VTCN1: variants seen among roughly 807,000 people sequenced by gnomAD.
VTCN1 encodes the protein V-set domain-containing T-cell activation inhibitor 1.
VTCN1 carries 26 observed loss-of-function variants against 26.5 expected under a neutral mutation model. The ratio of observed to expected loss-of-function variants is 0.98; its 90% CI spans 0.72 to 1.36. The LOEUF is 1.36. VTCN1 is among the 40% of genes most tolerant of loss of function. VTCN1 has a pLI of 0.00. For missense variants in VTCN1, 298 were observed against 337.7 expected (o/e 0.88, Z 0.92); for synonymous variants, 116 against 130.7 (o/e 0.89, Z 0.77).
At chr1:117,196,599 T>C (rs1360313030) in intron 1 of VTCN1, among the ~76,000 whole-genome samples, 3 of 152,042 alleles carry the variant, frequency 2.0e-5, no homozygotes, top group East Asian at 3.8e-4. Context: ...TCTGCCTTTT[T>C]TTTTTTAAGA....
intron 4 of VTCN1, among the ~76,000 whole-genome samples, chr1:117,152,220 G>A (rs921210991): frequency 2.0e-5 from 3 of 151,972 alleles, no homozygotes; most frequent in Non-Finnish European, 2.9e-5. Context: ...ATAATTTTGG[G>A]TTCATATGTA....
At position 117,145,487 on chromosome 1, in the gene VTCN1, A is replaced by T. The variant is rs1348956871; in HGVS notation, c.*46-262T>A. Among the ~76,000 whole-genome samples, 4 of 152,166 alleles carry T rather than the reference A, an allele frequency of 2.6e-5. No homozygotes were observed. The highest frequency in any genetic ancestry group is 5.9e-5 in the Non-Finnish European group (4 of 68,026). ...AGAGAAGAGATGGGTCCTTATAGTA[A>T]ATGAGAACTGAGAGGAGTCTGGGCA... On this transcript the variant is annotated intron_variant, in intron 5 of 5. Transcript: ENST00000369458. The surrounding 1 kb of genome is among the most constrained non-coding windows in gnomAD (Gnocchi z 4.6).
Position 117,143,818 on chromosome 1 carries a change from T to C in VTCN1, c.*1453A>G, listed in dbSNP as rs772304160. On this transcript the variant is annotated 3_prime_UTR_variant, in exon 6 of 6. Transcript: ENST00000369458. ...TTGTCCTTGCTTTCAAAAGTCTGTGTGTGCTTCATGGAAGGTATATGTTTG... is the reference window on the plus strand; with the variant it reads ...TTGTCCTTGCTTTCAAAAGTCTGTGCGTGCTTCATGGAAGGTATATGTTTG... 6 of 152,198 alleles carry C rather than the reference T, an allele frequency of 3.9e-5. No individual in the cohort carries two copies. The highest frequency in any genetic ancestry group is 8.8e-5 in the Non-Finnish European group (6 of 68,038). 9.4% of individuals were successfully genotyped at this position (152,198 alleles called of 1,614,324 possible).
intron 2 of VTCN1, among the ~76,000 whole-genome samples, chr1:117,162,788 T>C (rs1383251826): frequency 2.6e-5 from 4 of 152,172 alleles, no homozygotes; most frequent in Admixed American, 2.0e-4. Flanking sequence ...GGGAGTACTA[T>C]TCAATCAGCG....
At chr1:117,158,883 C>A (rs186597814) in intron 2 of VTCN1, among the ~76,000 whole-genome samples, 1 of 152,238 alleles carries the variant, frequency 6.6e-6, no homozygotes, top group East Asian at 1.9e-4. Context: ...CAAAGTTCCA[C>A]AAATCTCGAG....
chr1:117,181,224 C>G (rs1454972755), intron 1 of VTCN1, among the ~76,000 whole-genome samples: 1 of 148,110 alleles, frequency 6.8e-6, no homozygotes, highest in East Asian at 2.0e-4. Context: ...GGAAACTAGC[C>G]TGGGCAACAT....
At chr1:117,149,234 C>T (rs1366149165) in intron 4 of VTCN1, among the ~76,000 whole-genome samples, 6 of 151,776 alleles carry the variant, frequency 4.0e-5, no homozygotes, top group South Asian at 2.1e-4. Flanking sequence ...ATTTCAAACT[C>T]GACATCTCTA....
At position 117,146,869 on chromosome 1, in the gene VTCN1, A is replaced by G. The variant is rs74111977; in HGVS notation, c.*45+744T>C. 0.055 allele frequency among the ~76,000 whole-genome samples: 8,412 copies of G among 152,236 alleles called. 781 individuals are homozygous for G. The highest frequency in any genetic ancestry group is 0.19 in the African/African-American group (7,779 of 41,492). On this transcript the variant is annotated intron_variant, in intron 5 of 5. Transcript: ENST00000369458. This position sits in a 1 kb window ranked among gnomAD's most constrained non-coding sequence, Gnocchi z 4.2. ...AACAGGGAAAGGAAGGAGCAGGTAC[A>G]GTGTTTCAAAACCAGTCGGGGTGTG... is the stretch of plus-strand genomic sequence containing the variant.
chr1:117,187,301 C>T (rs6691150), intron 1 of VTCN1, among the ~76,000 whole-genome samples: 66,072 of 130,598 alleles, frequency 0.51, 17,031 homozygotes, highest in East Asian at 0.83. Context: ...CAGAGCAAGA[C>T]CTTGTCTCAA....
intron 1 of VTCN1, among the ~76,000 whole-genome samples, chr1:117,198,332 T>C (rs750194606): frequency 7.2e-5 from 11 of 152,168 alleles, no homozygotes; most frequent in Non-Finnish European, 1.5e-4. Flanking sequence ...GTGTGTTATA[T>C]GTGAATGACA....
chr1:117,194,151 G>A (rs1000320220), intron 1 of VTCN1, among the ~76,000 whole-genome samples: 1 of 152,012 alleles, frequency 6.6e-6, no homozygotes, highest in African/African-American at 2.4e-5. Context: ...AATATATAAG[G>A]AACTCATATA....
chr1:117,156,747 G>T lies in VTCN1; in HGVS notation c.272C>A (p.Ser91Ter). The change falls in exon 3 of 6, where the codon TCG becomes TAG. Residue 91 changes from serine (S) to a stop codon, truncating the protein, a stop_gained. Coordinates refer to ENST00000369458, the MANE Select transcript of VTCN1 (RefSeq NM_024626.4). LOFTEE classifies it high-confidence loss of function. ...GCCTCTGAACATTTCATCCTGCTCC[G>T]ACAGCTCATCTTTGCCTTCTTTGAA... ...HEFKEGKDEL[S>*]EQDEMFRGRT... 1 of 1,614,112 alleles carries T rather than the reference G, an allele frequency of 6.2e-7. No individual in the cohort carries two copies. Among genetic ancestry groups the T allele is most frequent in the Non-Finnish European group, 8.5e-7 (1 of 1,180,022 alleles).
chr1:117,200,137 T>C (rs1451223979), intron 1 of VTCN1, among the ~76,000 whole-genome samples: 1 of 152,192 alleles, frequency 6.6e-6, no homozygotes, highest in Non-Finnish European at 1.5e-5. Flanking sequence ...CACAGTGGCT[T>C]ATGCCTGTAA....
At chr1:117,200,313 T>C (rs2101599291) in intron 1 of VTCN1, among the ~76,000 whole-genome samples, 1 of 152,266 alleles carries the variant, frequency 6.6e-6, no homozygotes, top group East Asian at 1.9e-4. Context: ...GTTGGGAGGT[T>C]ACTGGAGCCT....
chr1:117,194,529 A>G (rs1376710213), intron 1 of VTCN1, among the ~76,000 whole-genome samples: 2 of 152,226 alleles, frequency 1.3e-5, no homozygotes, highest in Non-Finnish European at 2.9e-5. Flanking sequence ...GTATATATCC[A>G]AAGGAAATGT....
intron 1 of VTCN1, among the ~76,000 whole-genome samples, chr1:117,172,756 G>A (rs558036792): frequency 6.6e-6 from 1 of 151,680 alleles, no homozygotes; most frequent in South Asian, 2.1e-4. Flanking sequence ...GGTCGAGTGG[G>A]GGACTTGGAA....
chr1:117,169,985 A>T lies in VTCN1; in HGVS notation c.97+122T>A. On this transcript the variant is annotated intron_variant, in intron 2 of 5. Coordinates refer to ENST00000369458, the MANE Select transcript of VTCN1 (RefSeq NM_024626.4). The surrounding 1 kb of genome is among the most constrained non-coding windows in gnomAD (Gnocchi z 4.0). ...AGAAAGCACAAGAAGTAGAAGAATGAATGCTATACTCTGAGGTTTTCTGGG... is the reference window on the plus strand; with the variant it reads ...AGAAAGCACAAGAAGTAGAAGAATGTATGCTATACTCTGAGGTTTTCTGGG... 1.2e-6 allele frequency: 1 copy of T among 831,558 alleles called. No individual in the cohort carries two copies. The highest frequency in any genetic ancestry group is 2.0e-6 in the Non-Finnish European group (1 of 499,998). 51.5% of individuals were successfully genotyped at this position (831,558 alleles called of 1,614,324 possible).
chr1:117,173,445 C>T (rs1653032878), intron 1 of VTCN1, among the ~76,000 whole-genome samples: 1 of 151,956 alleles, frequency 6.6e-6, no homozygotes. Flanking sequence ...CCAAAGGTTG[C>T]CAGCAAAACT....
At chr1:117,160,663 C>G (rs1652321670) in intron 2 of VTCN1, among the ~76,000 whole-genome samples, 1 of 152,202 alleles carries the variant, frequency 6.6e-6, no homozygotes, top group African/African-American at 2.4e-5. Context: ...CTGTCTGTAT[C>G]AAATTATTTG....
Sources: gnomAD v4.1 joint callset for allele counts (sites outside exome capture counted in the v4.1 genomes callset) on GRCh38, gnomAD v4.1.1 for gene constraint, Gnocchi (gnomAD v3.1) non-coding constraint, MANE v1.5 for transcripts, NCBI Gene and HGNC (gene_info 2026-07-23, HGNC 2026-07-21) for gene names.